FAM20C: variants seen among roughly 807,000 people sequenced by gnomAD.
The protein encoded by FAM20C is FAM20C golgi associated secretory pathway kinase.
A neutral mutation model predicts 51.5 loss-of-function variants in FAM20C; 40 were observed. The observed-to-expected ratio is 0.78, with a 90% CI of 0.60 to 1.01. The LOEUF (loss-of-function observed/expected upper bound fraction) is 1.01, where lower values mean the gene tolerates loss of function less well. FAM20C is among the 50% of genes least tolerant of loss of function. The pLI is 0.00. For missense variants in FAM20C, 861 were observed against 844.7 expected (o/e 1.02, Z -0.24); for synonymous variants, 406 against 380.6 (o/e 1.07, Z -0.78).
chr7:216,839 C>G (rs552177753), intron 3 of FAM20C, among the ~76,000 whole-genome samples: 1 of 152,108 alleles, frequency 6.6e-6, no homozygotes, highest in African/African-American at 2.4e-5. Flanking sequence ...GCGGGGCTGA[C>G]ACAGTATTTC....
intron 3 of FAM20C, among the ~76,000 whole-genome samples, chr7:219,491 C>T (rs983352139): frequency 6.6e-6 from 1 of 152,106 alleles, no homozygotes; most frequent in Non-Finnish European, 1.5e-5. Flanking sequence ...GAGGGAGGCG[C>T]GTTCCCTCTC....
At position 258,645 on chromosome 7, in the gene FAM20C, G is replaced by C; in HGVS notation, c.1446-1G>C. 1 of 1,536,820 alleles carries C rather than the reference G, an allele frequency of 6.5e-7. No individual in the cohort carries two copies. Among genetic ancestry groups the C allele is most frequent in the Non-Finnish European group, 8.7e-7 (1 of 1,146,580 alleles). ...TGACAATTCTGCTTTTCTTCTGGAA[G>C]GTTTGGGAAGTATTCGCACGACGAG... On this transcript the variant is annotated splice_acceptor_variant, in intron 8 of 9. Transcript: ENST00000313766. LOFTEE classifies it high-confidence loss of function.
chr7:232,967 G>A (rs2115122719), intron 3 of FAM20C, among the ~76,000 whole-genome samples: 1 of 152,356 alleles, frequency 6.6e-6, no homozygotes, highest in South Asian at 2.1e-4. Context: ...CCAGATCCGG[G>A]AGGAAACACG....
At chr7:257,321 CG>C in intron 8 of FAM20C, 2 of 555,180 alleles carry the variant, frequency 3.6e-6, no homozygotes, top group Non-Finnish European at 6.4e-6. Flanking sequence ...GACCAAGTCC[CG>C]GCAGAGCTGG....
chr7:216,710 T>C lies in FAM20C; in HGVS notation c.863+7734T>C, dbSNP rs1346207688. Among the ~76,000 whole-genome samples, 5 of 148,382 alleles carry C rather than the reference T, an allele frequency of 3.4e-5. No homozygotes were observed. In the South Asian group the frequency reaches 1.1e-3, roughly 32 times the overall value. On this transcript the variant is annotated intron_variant, in intron 3 of 9. Transcript: ENST00000313766. Reference sequence around the variant, plus strand: ...GTGTGTGTGTGTGTGAGACAGAGTGTGTGTGTGTGTGTGTGTCCGTCTACG... The same window carrying C: ...GTGTGTGTGTGTGTGAGACAGAGTGCGTGTGTGTGTGTGTGTCCGTCTACG...
chr7:256,128 A>G, intron 6 of FAM20C, 99 bp downstream of exon 6: 1 of 1,385,298 alleles, frequency 7.2e-7, no homozygotes, highest in Non-Finnish European at 9.7e-7. Flanking sequence ...GGGGTGGCAG[A>G]GATGGGTGCA....
intron 9 of FAM20C, among the ~76,000 whole-genome samples, chr7:259,052 C>A (rs1412139763): frequency 1.3e-5 from 2 of 152,250 alleles, no homozygotes; most frequent in African/African-American, 4.8e-5. Flanking sequence ...GCCACTGCCA[C>A]CTTCTGCGGG....
intron 3 of FAM20C, among the ~76,000 whole-genome samples, chr7:217,768 C>T (rs574436008): frequency 3.3e-5 from 5 of 152,154 alleles, no homozygotes; most frequent in African/African-American, 1.2e-4. Flanking sequence ...CCGGGGCCCG[C>T]GCGTCACTGC....
chr7:260,227 A>G lies in FAM20C; in HGVS notation c.*247A>G, dbSNP rs1242959337. On this transcript the variant is annotated 3_prime_UTR_variant, in exon 10 of 10. Coordinates refer to ENST00000313766, the MANE Select transcript of FAM20C (RefSeq NM_020223.4). Reference sequence around the variant, plus strand: ...GACAGAGGCGGCCGGCGCCGGAGGCATTCCATCCTTTCTGTAGGGAAAGGA... The same window carrying G: ...GACAGAGGCGGCCGGCGCCGGAGGCGTTCCATCCTTTCTGTAGGGAAAGGA... The G allele has an allele frequency of 4.3e-6, 2 of 461,390 alleles. No individual in the cohort carries two copies. The highest frequency in any genetic ancestry group is 7.5e-6 in the Non-Finnish European group (2 of 265,134). 28.6% of individuals were successfully genotyped at this position (461,390 alleles called of 1,614,324 possible). A position where few individuals can be genotyped will look rare whatever the true frequency, so the allele number is the denominator to read the frequency against.
intron 2 of FAM20C, among the ~76,000 whole-genome samples, chr7:199,528 C>T (rs1287222888): frequency 3.3e-5 from 5 of 152,204 alleles, no homozygotes; most frequent in African/African-American, 1.2e-4. Flanking sequence ...TACTATTAAA[C>T]GTGAGCCCAG....
intron 2 of FAM20C, among the ~76,000 whole-genome samples, chr7:199,667 G>C (rs997961497): frequency 6.6e-6 from 1 of 152,182 alleles, no homozygotes; most frequent in Admixed American, 6.5e-5. Flanking sequence ...CTACAGCACA[G>C]CTGGTTAGGG....
intron 9 of FAM20C, 100 bp from the exon 10 acceptor site, chr7:259,631 T>A: frequency 1.4e-6 from 2 of 1,387,276 alleles, no homozygotes; most frequent in Non-Finnish European, 1.9e-6. Context: ...TCTCTGTCTC[T>A]CCCCCCACTC....
At chr7:251,172 C>CACTGAGTGGCCGGGCACGGCGGCTCATGG (rs1157564265) in intron 5 of FAM20C, among the ~76,000 whole-genome samples, 162 of 116,306 alleles carry the variant, frequency 1.4e-3, no homozygotes, top group African/African-American at 5.2e-3. Flanking sequence ...GCGGCTCACG[C>CACTGAGTGGCCGGGCACGGCGGCTCATGG]CTGCACTGAG....
At chr7:222,011 C>A (rs1787249392) in intron 3 of FAM20C, among the ~76,000 whole-genome samples, 1 of 97,812 alleles carries the variant, frequency 1.0e-5, no homozygotes, top group Non-Finnish European at 2.3e-5. Context: ...GGGCAGGGGG[C>A]TGCAGGAGCC....
Position 195,731 on chromosome 7 carries a change from G to C in FAM20C, c.783G>C (p.Val261=), listed in dbSNP as rs1470618619. 6.2e-7 allele frequency: 1 copy of C among 1,602,354 alleles called. No homozygotes were observed. Among genetic ancestry groups the C allele is most frequent in the African/African-American group, 1.3e-5 (1 of 74,738 alleles). Residue 261 remains valine (V), a splice_region_variant and synonymous_variant, in exon 2 of 10, where the codon GTG becomes GTC. Transcript: ENST00000313766. ...HDLSSQRITS[V]AMKSGGTQLK... ...TCAGCTCCCAGAGGATCACCAGCGT[G>C]GGTAGGTGTCCTTGGGTGCACTCAG...
intron 2 of FAM20C, among the ~76,000 whole-genome samples, chr7:204,128 A>G (rs2115055845): frequency 6.6e-6 from 1 of 152,298 alleles, no homozygotes; most frequent in South Asian, 2.1e-4. Context: ...AAATCCGTGC[A>G]GTGTATTCAG....
intron 3 of FAM20C, among the ~76,000 whole-genome samples, chr7:226,665 C>T (rs987220106): frequency 9.9e-5 from 15 of 152,182 alleles, no homozygotes; most frequent in African/African-American, 1.7e-4. Flanking sequence ...CGAATCCGCC[C>T]GGGCTGGAGC....
intron 8 of FAM20C, 74 bp downstream of exon 8, chr7:257,160 C>A (rs1583345237): frequency 1.4e-6 from 2 of 1,393,238 alleles, no homozygotes; most frequent in East Asian, 5.0e-5. Context: ...CCACCTGAGA[C>A]CCTGGGGACG....
At chr7:199,432 T>C (rs1786030394) in intron 2 of FAM20C, among the ~76,000 whole-genome samples, 2 of 152,250 alleles carry the variant, frequency 1.3e-5, no homozygotes, top group Admixed American at 6.5e-5. Context: ...TGTCCGAGAT[T>C]AGCACCTGCG....
Sources: allele counts gnomAD v4.1 joint callset (sites outside exome capture counted in the v4.1 genomes callset), GRCh38; gene constraint gnomAD v4.1.1; transcripts MANE v1.5; gene names NCBI Gene and HGNC (gene_info 2026-07-23, HGNC 2026-07-21).